Variants in PPP3CA observed in about 807,000 individuals in gnomAD.
The protein encoded by PPP3CA is protein phosphatase 3 catalytic subunit alpha.
A neutral mutation model predicts 66.5 loss-of-function variants in PPP3CA; 14 were observed. That is an observed-to-expected ratio of 0.21 (90% CI 0.14 to 0.33). PPP3CA has a LOEUF of 0.33. Among genes scored for constraint, PPP3CA ranks in the 10% least tolerant of loss-of-function variants. The probability of loss-of-function intolerance (pLI) is 1.00; values close to 1 mark genes in which losing one functional copy is unlikely to be tolerated. For missense variants in PPP3CA, 317 were observed against 639.5 expected (o/e 0.50, Z 5.44); for synonymous variants, 232 against 226.2 (o/e 1.03, Z -0.23).
At chr4:101,124,695 A>G (rs558323091) in intron 2 of PPP3CA, among the ~76,000 whole-genome samples, 34 of 98,716 alleles carry the variant, frequency 3.4e-4, no homozygotes, top group African/African-American at 1.4e-3. Flanking sequence ...GAAAGAAAGA[A>G]AGAAAGAAAG....
chr4:101,143,037 A>G (rs560122614), intron 2 of PPP3CA, among the ~76,000 whole-genome samples: 1 of 152,214 alleles, frequency 6.6e-6, no homozygotes, highest in South Asian at 2.1e-4. Context: ...GGAGGTTTCT[A>G]TACCATCTCC....
intron 7 of PPP3CA, among the ~76,000 whole-genome samples, chr4:101,082,313 C>T (rs1236833189): frequency 1.3e-5 from 2 of 152,168 alleles, no homozygotes; most frequent in Non-Finnish European, 2.9e-5. Context: ...TTGGTATCTT[C>T]CTTGATTCAG....
chr4:101,206,608 A>T (rs1211667043), intron 1 of PPP3CA, among the ~76,000 whole-genome samples: 1 of 152,266 alleles, frequency 6.6e-6, no homozygotes, highest in Non-Finnish European at 1.5e-5. Context: ...CAATGAGTCA[A>T]TCAATGATCA....
intron 2 of PPP3CA, among the ~76,000 whole-genome samples, chr4:101,149,878 C>T (rs757985028): frequency 6.6e-6 from 1 of 152,078 alleles, no homozygotes; most frequent in Non-Finnish European, 1.5e-5. Context: ...ATGTAGATCA[C>T]CTTATTTAAA....
intron 2 of PPP3CA, among the ~76,000 whole-genome samples, chr4:101,119,896 G>C (rs1352446791): frequency 2.6e-5 from 4 of 151,982 alleles, no homozygotes; most frequent in African/African-American, 9.7e-5. Flanking sequence ...TGATTAGACT[G>C]ATTATCCACT....
At chr4:101,245,237 C>T (rs1271724895) in intron 1 of PPP3CA, among the ~76,000 whole-genome samples, 1 of 152,108 alleles carries the variant, frequency 6.6e-6, no homozygotes, top group African/African-American at 2.4e-5. Context: ...ACTTGTTTAT[C>T]ACATGTTTAA....
At chr4:101,031,798 C>T (rs1726975484) in intron 12 of PPP3CA, among the ~76,000 whole-genome samples, 2 of 152,162 alleles carry the variant, frequency 1.3e-5, no homozygotes, top group Admixed American at 1.3e-4. Flanking sequence ...CAAATGGCTT[C>T]CAATTTCCAT....
chr4:101,286,417 T>C (rs1285247686), intron 1 of PPP3CA, among the ~76,000 whole-genome samples: 1 of 152,234 alleles, frequency 6.6e-6, no homozygotes, highest in Non-Finnish European at 1.5e-5. Flanking sequence ...AATACTTGCA[T>C]ATACTATGGA....
intron 1 of PPP3CA, among the ~76,000 whole-genome samples, chr4:101,292,259 T>C (rs7655806): frequency 0.076 from 11,531 of 152,198 alleles, 1,448 homozygotes; most frequent in African/African-American, 0.26. Flanking sequence ...TCTCCAGTAA[T>C]TGTTTATTAA....
intron 2 of PPP3CA, among the ~76,000 whole-genome samples, chr4:101,124,717 GAAAGAAAGAGAAAGAAAGAAAGAAAGAA>G (rs1722161576): frequency 5.6e-4 from 45 of 80,802 alleles, no homozygotes; most frequent in African/African-American, 1.3e-3. Flanking sequence ...AAGAAAGAAA[GAAAGAAAGAGAAAGAAAGAAAGAAAGAA>G]AGAAAGAAAG....
intron 1 of PPP3CA, among the ~76,000 whole-genome samples, chr4:101,275,019 T>C (rs1211563067): frequency 6.6e-6 from 1 of 152,214 alleles, no homozygotes; most frequent in Non-Finnish European, 1.5e-5. Flanking sequence ...AACTGAATCA[T>C]TTTCAGTGAT....
intron 2 of PPP3CA, among the ~76,000 whole-genome samples, chr4:101,122,802 C>G (rs899977763): frequency 4.0e-4 from 61 of 151,904 alleles, no homozygotes; most frequent in African/African-American, 1.4e-3. Context: ...AGAACAATTC[C>G]TGTAATGTTT....
intron 1 of PPP3CA, among the ~76,000 whole-genome samples, chr4:101,280,799 G>A (rs1450658429): frequency 7.5e-6 from 1 of 133,972 alleles, no homozygotes; most frequent in Admixed American, 8.3e-5. Flanking sequence ...CAGCCTGGGT[G>A]ACAGAGCCAG....
Position 101,112,609 on chromosome 4 carries a change from T to A in PPP3CA, c.260-3531A>T, listed in dbSNP as rs560619153. 9.3e-4 allele frequency among the ~76,000 whole-genome samples: 141 copies of A among 152,092 alleles called. 1 individual carries two copies. Among genetic ancestry groups the A allele is most frequent in the African/African-American group, 3.3e-3 (136 of 41,514 alleles). Reference sequence around the variant, plus strand: ...CAAAACAGTAACTCAAAATAAAACATAATGGAAAAAATGGAGGTATTTTCT... The same window carrying A: ...CAAAACAGTAACTCAAAATAAAACAAAATGGAAAAAATGGAGGTATTTTCT... On this transcript the variant is annotated intron_variant, in intron 2 of 13. Coordinates refer to ENST00000394854, the MANE Select transcript of PPP3CA (RefSeq NM_000944.5).
rs79414830 is a variant in PPP3CA, at chr4:101,190,061, T to C, written c.259+5855A>G. ...AAAAATGAATATAGCATAGATGAGA[T>C]TGAAAATATGAGTATTACCTGGGTA... On this transcript the variant is annotated intron_variant, in intron 2 of 13. Coordinates refer to ENST00000394854, the MANE Select transcript of PPP3CA (RefSeq NM_000944.5). Among the ~76,000 whole-genome samples the C allele has an allele frequency of 3.3e-5, 5 of 152,174 alleles. No homozygotes were observed. In the East Asian group the frequency reaches 9.7e-4, roughly 29 times the overall value.
chr4:101,298,162 T>C (rs1728253816), intron 1 of PPP3CA, among the ~76,000 whole-genome samples: 1 of 152,088 alleles, frequency 6.6e-6, no homozygotes, highest in Admixed American at 6.6e-5. Context: ...ATGGGTCTCA[T>C]AGCTCCTTAT....
At chr4:101,200,723 T>G (rs1724942340) in intron 1 of PPP3CA, among the ~76,000 whole-genome samples, 1 of 152,104 alleles carries the variant, frequency 6.6e-6, no homozygotes, top group Non-Finnish European at 1.5e-5. Context: ...GCTTACACAA[T>G]CCTGGTGCTT....
chr4:101,222,149 C>A (rs1364486697), intron 1 of PPP3CA, among the ~76,000 whole-genome samples: 1 of 151,402 alleles, frequency 6.6e-6, no homozygotes, highest in African/African-American at 2.4e-5. Flanking sequence ...TTTTTAAGAC[C>A]ACTGGAAAAA....
In PPP3CA at chr4:101,126,695, C is replaced by G. The variant is rs147964465; in HGVS notation, c.260-17617G>C. 1.3e-3 allele frequency among the ~76,000 whole-genome samples: 205 copies of G among 152,170 alleles called. 2 individuals carry two copies. In the South Asian group the frequency reaches 0.035, roughly 26 times the overall value. On this transcript the variant is annotated intron_variant, in intron 2 of 13. Coordinates refer to ENST00000394854, the MANE Select transcript of PPP3CA (RefSeq NM_000944.5). Reference sequence around the variant, plus strand: ...CATATTTATCCACCAGTAAAGCTCTCGAGATGAGACAATACCTATTGGCTA... The same window carrying G: ...CATATTTATCCACCAGTAAAGCTCTGGAGATGAGACAATACCTATTGGCTA...
Sources: allele counts gnomAD v4.1 joint callset (sites outside exome capture counted in the v4.1 genomes callset), GRCh38; gene constraint gnomAD v4.1.1; transcripts MANE v1.5; gene names NCBI Gene and HGNC (gene_info 2026-07-23, HGNC 2026-07-21).